TENM2: variants seen among roughly 807,000 people sequenced by gnomAD.
TENM2 encodes teneurin transmembrane protein 2, also known as teneurin-2.
In TENM2, 52 loss-of-function variants were observed where a neutral mutation model predicts 245.2. The observed-to-expected ratio is 0.21, with a 90% CI of 0.17 to 0.27. The LOEUF (loss-of-function observed/expected upper bound fraction) is 0.27, where lower values mean the gene tolerates loss of function less well. TENM2 is among the 10% of genes least tolerant of loss of function. The probability of loss-of-function intolerance (pLI) is 1.00; values close to 1 mark genes in which losing one functional copy is unlikely to be tolerated. For missense variants in TENM2, 3,046 were observed against 3,666.8 expected (o/e 0.83, Z 4.37); for synonymous variants, 1,363 against 1,438.9 (o/e 0.95, Z 1.19).
At chr5:167,951,742 C>T (rs2151836869) in intron 3 of TENM2, among the ~76,000 whole-genome samples, 1 of 152,276 alleles carries the variant, frequency 6.6e-6, no homozygotes, top group East Asian at 1.9e-4. Flanking sequence ...ACCTGCTGAG[C>T]TGAGTGGGCT....
intron 2 of TENM2, among the ~76,000 whole-genome samples, chr5:167,640,844 T>TATATATATATATATCCATATATATATCC (rs1779515323): frequency 4.9e-4 from 2 of 4,066 alleles, no homozygotes; most frequent in African/African-American, 2.3e-3. Flanking sequence ...TATATATCCA[T>TATATATATATATATCCATATATATATCC]ATATATATAT....
intron 2 of TENM2, among the ~76,000 whole-genome samples, chr5:167,744,018 T>A (rs1761386936): frequency 1.3e-5 from 2 of 152,226 alleles, no homozygotes; most frequent in South Asian, 4.1e-4. Flanking sequence ...GTGGCTTGCC[T>A]GTGCTCACAC....
chr5:167,446,605 C>A (rs1477239361), intron 2 of TENM2, among the ~76,000 whole-genome samples: 7 of 152,142 alleles, frequency 4.6e-5, no homozygotes, highest in African/African-American at 1.7e-4. Context: ...TGAACTGTTA[C>A]CCATAACATT....
chr5:167,058,038 A>G, the TENM2 span, among the ~76,000 whole-genome samples: 2 of 152,080 alleles, frequency 1.3e-5, no homozygotes, highest in South Asian at 4.1e-4. Flanking sequence ...CCATTATGTT[A>G]TTCCCTGAAT....
intron 2 of TENM2, among the ~76,000 whole-genome samples, chr5:167,800,779 C>T (rs1331085921): frequency 6.6e-6 from 1 of 152,054 alleles, no homozygotes; most frequent in Non-Finnish European, 1.5e-5. Flanking sequence ...ATTTGAATCT[C>T]CAGTTTCTCT....
At chr5:167,388,081 T>C (rs1424984736) in intron 2 of TENM2, among the ~76,000 whole-genome samples, 1 of 152,162 alleles carries the variant, frequency 6.6e-6, no homozygotes, top group Non-Finnish European at 1.5e-5. Flanking sequence ...TGGAATAGTG[T>C]CAATAGGATT....
chr5:168,181,669 CTTTTT>C (rs36042366), intron 13 of TENM2, among the ~76,000 whole-genome samples: 174 of 78,898 alleles, frequency 2.2e-3, no homozygotes, highest in East Asian at 4.8e-3. Context: ...AGTTTTACTT[CTTTTT>C]TTTTTTTTTT....
chr5:167,094,239 T>C, the TENM2 span, among the ~76,000 whole-genome samples: 1 of 152,184 alleles, frequency 6.6e-6, no homozygotes, highest in Non-Finnish European at 1.5e-5. Context: ...TACAATTTGG[T>C]AAGTTTTGCA....
chr5:167,862,779 T>G (rs957156064), intron 2 of TENM2, among the ~76,000 whole-genome samples: 1 of 152,208 alleles, frequency 6.6e-6, no homozygotes, highest in Non-Finnish European at 1.5e-5. Context: ...GAAGATGCAA[T>G]TCGGGTTGTG....
At chr5:167,605,189 T>C (rs2127736637) in intron 2 of TENM2, among the ~76,000 whole-genome samples, 1 of 152,300 alleles carries the variant, frequency 6.6e-6, no homozygotes, top group South Asian at 2.1e-4. Flanking sequence ...ATTAAAGGGC[T>C]TTAAGCAGAA....
intron 27 of TENM2, among the ~76,000 whole-genome samples, chr5:168,259,705 G>A (rs1468380569): frequency 1.3e-5 from 2 of 152,198 alleles, no homozygotes; most frequent in African/African-American, 2.4e-5. Context: ...TCAGTGCAGT[G>A]GCCCCAGTCC....
chr5:167,126,755 G>T, the TENM2 span, among the ~76,000 whole-genome samples: 2 of 151,972 alleles, frequency 1.3e-5, no homozygotes, highest in Non-Finnish European at 2.9e-5. Flanking sequence ...ATTATATAGA[G>T]GAAAACCCCA....
chr5:167,132,307 G>T, the TENM2 span, among the ~76,000 whole-genome samples: 3 of 152,054 alleles, frequency 2.0e-5, no homozygotes, highest in Non-Finnish European at 4.4e-5. Flanking sequence ...CTCTCCCAAA[G>T]GTGACCCCTA....
At chr5:167,411,902 A>G (rs1158805227) in intron 2 of TENM2, among the ~76,000 whole-genome samples, 1 of 152,030 alleles carries the variant, frequency 6.6e-6, no homozygotes, top group Non-Finnish European at 1.5e-5. Context: ...ATCAAACTAC[A>G]TGTGTGCGGA....
chr5:167,066,236 T>C, the TENM2 span, among the ~76,000 whole-genome samples: 1 of 152,152 alleles, frequency 6.6e-6, no homozygotes. Context: ...TGATAATTAC[T>C]ATATTACCAA....
intron 1 of TENM2, among the ~76,000 whole-genome samples, chr5:167,318,393 C>T (rs186869995): frequency 1.3e-5 from 2 of 151,184 alleles, no homozygotes; most frequent in Admixed American, 6.6e-5. Flanking sequence ...TCACTTAATG[C>T]ATGTTATGGA....
intron 3 of TENM2, among the ~76,000 whole-genome samples, chr5:167,877,241 C>G (rs948773839): frequency 6.6e-6 from 1 of 152,154 alleles, no homozygotes; most frequent in African/African-American, 2.4e-5. Context: ...GTATATGCCA[C>G]CCACCACTGG....
At chr5:167,205,497 A>T in the TENM2 span, among the ~76,000 whole-genome samples, 1 of 152,230 alleles carries the variant, frequency 6.6e-6, no homozygotes, top group African/African-American at 2.4e-5. Context: ...TCTTCCAATG[A>T]CATATCAGAT....
intron 2 of TENM2, among the ~76,000 whole-genome samples, chr5:167,520,319 C>T (rs1006428542): frequency 5.3e-5 from 8 of 152,106 alleles, no homozygotes; most frequent in East Asian, 1.9e-4. Context: ...AGCAGGATCT[C>T]GGCAGGAAGT....
Sources: allele counts gnomAD v4.1 joint callset (sites outside exome capture counted in the v4.1 genomes callset), GRCh38; gene constraint gnomAD v4.1.1; transcripts MANE v1.5; gene names NCBI Gene and HGNC (gene_info 2026-07-23, HGNC 2026-07-21).